The following DLGAP1 variants were observed in gnomAD, a reference collection of about 807,000 sequenced individuals.
DLGAP1 encodes disks large-associated protein 1.
DLGAP1 carries 11 observed loss-of-function variants against 90.8 expected under a neutral mutation model. That is an observed-to-expected ratio of 0.12 (90% CI 0.08 to 0.20). The LOEUF (loss-of-function observed/expected upper bound fraction) is 0.20, where lower values mean the gene tolerates loss of function less well. Ranked by LOEUF, DLGAP1 falls within the 10% of genes least tolerant of loss-of-function variation. The pLI, the probability that DLGAP1 is intolerant of heterozygous loss-of-function variation, is 1.00. For synonymous variants in DLGAP1, 558 were observed against 540.7 expected (o/e 1.03, Z -0.44); for missense variants, 1,050 against 1,333.8 (o/e 0.79, Z 3.31).
chr18:3,983,589 C>G (rs899386180), intron 3 of DLGAP1: 1 of 152,160 alleles, frequency 6.6e-6, no homozygotes, highest in African/African-American at 2.4e-5. Flanking sequence ...TGTTCTCTAT[C>G]AAAACTGAAT....
chr18:3,543,816 T>C (rs192314892), intron 9 of DLGAP1, among the ~76,000 whole-genome samples: 111 of 152,112 alleles, frequency 7.3e-4, no homozygotes, highest in Non-Finnish European at 9.0e-4. Flanking sequence ...GAGACATTGC[T>C]AGGGGTACGA....
At chr18:3,859,967 T>G (rs1041590653) in intron 4 of DLGAP1, among the ~76,000 whole-genome samples, 1 of 151,868 alleles carries the variant, frequency 6.6e-6, no homozygotes, top group Non-Finnish European at 1.5e-5. Context: ...GGCGTGGTGG[T>G]GGGCATCTGT....
intron 3 of DLGAP1, among the ~76,000 whole-genome samples, chr18:3,918,734 G>A (rs1212259054): frequency 1.3e-5 from 2 of 152,170 alleles, no homozygotes; most frequent in East Asian, 3.9e-4. Flanking sequence ...TGGAAGGAGG[G>A]CAACCAAGAA....
Position 3,879,397 on chromosome 18 carries a change from C to T in DLGAP1, c.672G>A (p.Met224Ile), listed in dbSNP as rs768064777. ...AGGCCGAGCGGTCGGGGCACCTGCC[C>T]ATGGTCATCACGCCCGAGGGGGCGT... is the stretch of plus-strand genomic sequence containing the variant. ...IYHAPSGVMT[M>I]GRCPDRSASQ... The change falls in exon 4 of 13, where the codon ATG becomes ATA. Residue 224 changes from methionine to isoleucine, a missense_variant. Met to Ile is a conservative substitution (Grantham distance 10). Transcript: ENST00000315677. This position sits in a 1 kb window ranked among gnomAD's most constrained non-coding sequence, Gnocchi z 6.6. The T allele has an allele frequency of 6.2e-7, 1 of 1,612,906 alleles. No individual in the cohort carries two copies. The highest frequency in any genetic ancestry group is 8.5e-7 in the Non-Finnish European group (1 of 1,179,974).
chr18:3,815,868 G>A (rs1422841339), intron 4 of DLGAP1, among the ~76,000 whole-genome samples: 4 of 152,126 alleles, frequency 2.6e-5, no homozygotes, highest in African/African-American at 9.7e-5. Context: ...ACCAAAAAAC[G>A]GGGAGGCTGG....
intron 3 of DLGAP1, chr18:3,993,234 G>A (rs1048439937): frequency 3.3e-5 from 5 of 152,038 alleles, no homozygotes; most frequent in African/African-American, 9.7e-5. Context: ...GGAAAGAAAA[G>A]GAAAAGGAGT....
At chr18:4,249,983 C>T (rs536445698) in intron 1 of DLGAP1, among the ~76,000 whole-genome samples, 3 of 152,352 alleles carry the variant, frequency 2.0e-5, no homozygotes, top group East Asian at 3.9e-4. Context: ...AGCCTTTAAG[C>T]TCATATCCTT....
At chr18:3,937,212 T>C (rs2072662253) in intron 3 of DLGAP1, among the ~76,000 whole-genome samples, 1 of 152,204 alleles carries the variant, frequency 6.6e-6, no homozygotes, top group Admixed American at 6.5e-5. Flanking sequence ...AACAAACGTG[T>C]ATTAGTCTGT....
At chr18:3,947,270 G>A (rs1220097606) in intron 3 of DLGAP1, among the ~76,000 whole-genome samples, 1 of 152,154 alleles carries the variant, frequency 6.6e-6, no homozygotes, top group African/African-American at 2.4e-5. Context: ...ATACTTCCAA[G>A]TTCTTTCCGT....
intron 7 of DLGAP1, among the ~76,000 whole-genome samples, chr18:3,657,660 T>G (rs1040972879): frequency 2.0e-5 from 3 of 150,410 alleles, no homozygotes; most frequent in East Asian, 3.9e-4. Flanking sequence ...TGGAGTGCAG[T>G]GGCGCGATCT....
At chr18:4,240,501 TCTTG>T (rs1330033647) in intron 1 of DLGAP1, among the ~76,000 whole-genome samples, 1 of 152,158 alleles carries the variant, frequency 6.6e-6, no homozygotes, top group Non-Finnish European at 1.5e-5. Context: ...AATTATAATC[TCTTG>T]AAATCAGATT....
intron 1 of DLGAP1, among the ~76,000 whole-genome samples, chr18:4,390,900 T>C (rs1276661583): frequency 2.6e-5 from 4 of 152,168 alleles, no homozygotes; most frequent in Non-Finnish European, 5.9e-5. Flanking sequence ...CTCTGACCTG[T>C]AACTGGAAGT....
At chr18:3,589,940 C>T (rs192235644) in intron 7 of DLGAP1, among the ~76,000 whole-genome samples, 13 of 152,310 alleles carry the variant, frequency 8.5e-5, no homozygotes, top group Admixed American at 5.2e-4. Flanking sequence ...GACAGAGTTT[C>T]GCTCTTGTTG....
rs1052734239 is a variant in DLGAP1 at position 3,769,684 on chromosome 18, G to A, written c.1173-27172C>T. ...AAATGGAGAACAGATTGGTGATTGC[G>A]AGGGGTAAAGAAAGTGGTGGGGTTG... On this transcript the variant is annotated intron_variant, in intron 5 of 12. Transcript: ENST00000315677. Among the ~76,000 whole-genome samples, 5 of 152,110 alleles carry A rather than the reference G, an allele frequency of 3.3e-5. No homozygotes were observed. The South Asian group carries it at 8.3e-4, about 25-fold the overall frequency.
At chr18:4,107,161 A>G (rs1019669826) in intron 2 of DLGAP1, among the ~76,000 whole-genome samples, 7 of 152,236 alleles carry the variant, frequency 4.6e-5, no homozygotes, top group African/African-American at 1.7e-4. Context: ...TCTTTGCTGA[A>G]GCAAAACACA....
intron 1 of DLGAP1, among the ~76,000 whole-genome samples, chr18:4,246,655 T>G (rs1445633055): frequency 1.3e-5 from 2 of 152,184 alleles, no homozygotes; most frequent in Non-Finnish European, 2.9e-5. Flanking sequence ...AGCATCTCTT[T>G]CTTGTTTATC....
Position 4,377,610 on chromosome 18 carries a change from T to G in DLGAP1, c.-267+77396A>C, listed in dbSNP as rs141198617. ...TTCAGTCACTTACAAAAAAATTCTTTTATATTGTCCTTATATTATGACATG... is the reference window on the plus strand; with the variant it reads ...TTCAGTCACTTACAAAAAAATTCTTGTATATTGTCCTTATATTATGACATG... On this transcript the variant is annotated intron_variant, in intron 1 of 12. Coordinates refer to ENST00000315677, the MANE Select transcript of DLGAP1 (RefSeq NM_004746.4). 6.5e-3 allele frequency among the ~76,000 whole-genome samples: 988 copies of G among 152,280 alleles called. 11 individuals carry two copies. The highest frequency in any genetic ancestry group is 0.023 in the African/African-American group (948 of 41,560).
chr18:3,588,792 A>G (rs1464294917), intron 7 of DLGAP1, among the ~76,000 whole-genome samples: 7 of 151,448 alleles, frequency 4.6e-5, no homozygotes. Flanking sequence ...AAAAAAAAAA[A>G]AGAAAAAAGA....
At chr18:4,268,813 A>G (rs1025462982) in intron 1 of DLGAP1, among the ~76,000 whole-genome samples, 22 of 152,154 alleles carry the variant, frequency 1.4e-4, no homozygotes, top group African/African-American at 4.1e-4. Flanking sequence ...AAACCAATGG[A>G]CTAAAATCAA....
Sources: allele counts gnomAD v4.1 joint callset (sites outside exome capture counted in the v4.1 genomes callset), GRCh38; gene constraint gnomAD v4.1.1; non-coding constraint Gnocchi (gnomAD v3.1); transcripts MANE v1.5; gene names NCBI Gene and HGNC (gene_info 2026-07-23, HGNC 2026-07-21).